DAPP1: variants seen among roughly 807,000 people sequenced by gnomAD.
The protein encoded by DAPP1 is dual adapter for phosphotyrosine and 3-phosphotyrosine and 3-phosphoinositide.
Under a neutral mutation model 41.5 loss-of-function variants are expected in DAPP1, and 20 were observed. The observed-to-expected ratio is 0.48, with a 90% CI of 0.34 to 0.70. DAPP1 has a LOEUF of 0.70. Ranked by LOEUF, DAPP1 falls within the 30% of genes least tolerant of loss-of-function variation. DAPP1 has a pLI of 0.01. For synonymous variants in DAPP1, 113 were observed against 116.2 expected (o/e 0.97, Z 0.18); for missense variants, 233 against 333.4 (o/e 0.70, Z 2.35).
At chr4:99,867,440 T>C (rs1041951017) in intron 8 of DAPP1, among the ~76,000 whole-genome samples, 1 of 152,216 alleles carries the variant, frequency 6.6e-6, no homozygotes, top group Non-Finnish European at 1.5e-5. Context: ...ACCACAATGA[T>C]GTACCACTAC....
chr4:99,819,568 AC>A (rs1225850949), intron 1 of DAPP1, among the ~76,000 whole-genome samples: 3 of 152,126 alleles, frequency 2.0e-5, no homozygotes, highest in African/African-American at 7.2e-5. Context: ...TTTTCTTTGA[AC>A]CTTTAACCAC....
At chr4:99,851,471 T>A (rs1234068392) in intron 3 of DAPP1, among the ~76,000 whole-genome samples, 1 of 152,054 alleles carries the variant, frequency 6.6e-6, no homozygotes, top group Non-Finnish European at 1.5e-5. Flanking sequence ...AAAGCCACAG[T>A]TCTGTTTTTG....
At chr4:99,824,914 C>T (rs924973232) in intron 1 of DAPP1, among the ~76,000 whole-genome samples, 4 of 152,070 alleles carry the variant, frequency 2.6e-5, no homozygotes, top group East Asian at 3.9e-4. Context: ...CCCTGGGGAC[C>T]GAACAGAAGG....
At position 99,861,620 on chromosome 4, in the gene DAPP1, G is replaced by C. The variant is rs1227111285; in HGVS notation, c.532G>C (p.Val178Leu). The C allele has an allele frequency of 6.4e-7, 1 of 1,572,440 alleles. No individual in the cohort carries two copies. Among genetic ancestry groups the C allele is most frequent in the Non-Finnish European group, 8.6e-7 (1 of 1,157,904 alleles). ...TTACCTCACCAAACAGGGAGGCCTG[G>C]TCAAGGTAAGGAAGTGTGGTTTTGC... ...EGYLTKQGGL[V>L]KTWKTRWFTL... The change falls in exon 5 of 9, where the codon GTC (valine) becomes CTC (leucine). Residue 178 changes from valine (V) to leucine (L), a missense_variant. Physicochemically the swap from Val to Leu is conservative, Grantham distance 32. Coordinates refer to ENST00000512369, the MANE Select transcript of DAPP1 (RefSeq NM_014395.3).
At chr4:99,855,142 A>C (rs1724001505) in intron 4 of DAPP1, among the ~76,000 whole-genome samples, 1 of 152,180 alleles carries the variant, frequency 6.6e-6, no homozygotes, top group East Asian at 1.9e-4. Flanking sequence ...AGAACAAATC[A>C]AGATCTACTC....
intron 7 of DAPP1, 87 bp downstream of exon 7, chr4:99,863,942 A>G (rs1578192769): frequency 1.1e-6 from 1 of 883,512 alleles, no homozygotes; most frequent in East Asian, 2.7e-5. Context: ...GTATATCTTA[A>G]TGTCTACAAA....
At chr4:99,863,673 T>G in intron 6 of DAPP1, 97 bp from the exon 7 acceptor site, 1 of 771,104 alleles carries the variant, frequency 1.3e-6, no homozygotes, top group East Asian at 2.7e-5. Flanking sequence ...CAATTGCACA[T>G]AGTGGAAAAC....
At chr4:99,842,788 G>T (rs1305793780) in intron 3 of DAPP1, among the ~76,000 whole-genome samples, 1 of 151,954 alleles carries the variant, frequency 6.6e-6, no homozygotes, top group Non-Finnish European at 1.5e-5. Flanking sequence ...GGCTCCCAGT[G>T]ATCAGAAGAT....
At chr4:99,853,597 G>C (rs1433715480) in intron 4 of DAPP1, among the ~76,000 whole-genome samples, 1 of 152,200 alleles carries the variant, frequency 6.6e-6, no homozygotes, top group Admixed American at 6.5e-5. Context: ...CAAGGTAAGA[G>C]AATTGCTTGA....
At chr4:99,863,200 G>T (rs1724302735) in intron 6 of DAPP1, 128 bp downstream of exon 6, 1 of 611,870 alleles carries the variant, frequency 1.6e-6, no homozygotes, top group East Asian at 3.2e-5. Flanking sequence ...TTGGAGATAT[G>T]AATTCTTGAT....
rs1250202438 is a variant in DAPP1 at position 99,869,399 on chromosome 4, T to C, written c.*1214T>C. On this transcript the variant is annotated 3_prime_UTR_variant, in exon 9 of 9. Transcript: ENST00000512369. ...GTTTAGATAGAAGTTTCAAAGAAGA[T>C]AAAAATGCTTGAAGAGCCTGAGAGT... 2 of 152,140 alleles carry C rather than the reference T, an allele frequency of 1.3e-5. No individual in the cohort carries two copies. The highest frequency in any genetic ancestry group is 2.9e-5 in the Non-Finnish European group (2 of 68,008). The allele number at this position is 152,140 out of a possible 1,614,324, so 9.4% of individuals were successfully genotyped here. A position where few individuals can be genotyped will look rare whatever the true frequency, so the allele number is the denominator to read the frequency against.
intron 1 of DAPP1, among the ~76,000 whole-genome samples, chr4:99,827,111 G>A (rs1483151731): frequency 3.3e-5 from 5 of 152,162 alleles, no homozygotes; most frequent in African/African-American, 7.2e-5. Flanking sequence ...ACTCTAAAGT[G>A]CATAACAATC....
intron 4 of DAPP1, among the ~76,000 whole-genome samples, chr4:99,859,780 G>T (rs1031693682): frequency 4.6e-5 from 7 of 152,168 alleles, no homozygotes; most frequent in African/African-American, 1.7e-4. Flanking sequence ...CTCTGAAACT[G>T]TGCAGTAGCT....
chr4:99,852,613 T>C (rs1401785857), intron 3 of DAPP1, among the ~76,000 whole-genome samples: 1 of 152,184 alleles, frequency 6.6e-6, no homozygotes. Flanking sequence ...CACTTAGTAA[T>C]GCAAAGACTT....
At chr4:99,833,633 G>A (rs1231604052) in intron 1 of DAPP1, among the ~76,000 whole-genome samples, 1 of 152,130 alleles carries the variant, frequency 6.6e-6, no homozygotes, top group Non-Finnish European at 1.5e-5. Context: ...ATAGCATTTA[G>A]TTCATCACAC....
chr4:99,835,538 A>G (rs966311418), intron 1 of DAPP1, 85 bp from the exon 2 acceptor site: 22 of 1,545,732 alleles, frequency 1.4e-5, no homozygotes, highest in Non-Finnish European at 1.8e-5. Context: ...GAATGTTGCT[A>G]GGTAATCTTT....
At chr4:99,825,302 G>C (rs1426735) in intron 1 of DAPP1, among the ~76,000 whole-genome samples, 62,573 of 151,924 alleles carry the variant, frequency 0.41, 13,874 homozygotes, top group African/African-American at 0.59. Context: ...GAGTCTCCAT[G>C]TCTGTCTGTC....
intron 1 of DAPP1, 124 bp from the exon 2 acceptor site, chr4:99,835,499 A>G: frequency 7.2e-7 from 1 of 1,390,230 alleles, no homozygotes; most frequent in Non-Finnish European, 9.7e-7. Context: ...TGGGGCTGAG[A>G]GCTGGGTCTC....
intron 8 of DAPP1, among the ~76,000 whole-genome samples, chr4:99,867,085 A>G (rs545995510): frequency 3.9e-4 from 59 of 152,254 alleles, no homozygotes; most frequent in African/African-American, 1.4e-3. Flanking sequence ...ATTTCAAACA[A>G]AATATTTTTC....
Sources: gnomAD v4.1 joint callset for allele counts (sites outside exome capture counted in the v4.1 genomes callset) on GRCh38, gnomAD v4.1.1 for gene constraint, MANE v1.5 for transcripts, NCBI Gene and HGNC (gene_info 2026-07-23, HGNC 2026-07-21) for gene names.